Variants in FLT3 observed in about 807,000 individuals in gnomAD.
FLT3 encodes fms related receptor tyrosine kinase 3, also known as receptor-type tyrosine-protein kinase FLT3.
FLT3 carries 46 observed loss-of-function variants against 126.6 expected under a neutral mutation model. The observed-to-expected ratio is 0.36, with a 90% confidence interval of 0.29 to 0.46. The LOEUF (loss-of-function observed/expected upper bound fraction) is 0.46, where lower values mean the gene tolerates loss of function less well. FLT3 is among the 20% of genes least tolerant of loss of function. FLT3 has a pLI of 1.00. For synonymous variants in FLT3, 404 were observed against 434.4 expected, an observed-to-expected ratio of 0.93 and a Z score of 0.87; for missense variants, 1,069 against 1,190.3, an observed-to-expected ratio of 0.90 and a Z score of 1.50.
At chr13:28,051,618 T>C (rs1253422120) in intron 5 of FLT3, among the ~76,000 whole-genome samples, 12 of 142,874 alleles carry the variant, frequency 8.4e-5, no homozygotes, top group Non-Finnish European at 1.2e-4. Flanking sequence ...GATCTCGGCT[T>C]ACTGCAAGCT....
intron 4 of FLT3, among the ~76,000 whole-genome samples, chr13:28,056,623 C>G (rs1052973898): frequency 1.3e-5 from 2 of 152,236 alleles, no homozygotes; most frequent in African/African-American, 4.8e-5. Context: ...CCTCTGCCAA[C>G]TGCACAGCTG....
chr13:28,094,854 G>C (rs570184728), intron 1 of FLT3, among the ~76,000 whole-genome samples: 64 of 152,154 alleles, frequency 4.2e-4, no homozygotes, highest in Admixed American at 8.5e-4. Flanking sequence ...TCATAGAACA[G>C]AATTGCGTGA....
At chr13:28,091,083 A>C (rs1351050587) in intron 1 of FLT3, among the ~76,000 whole-genome samples, 1 of 151,690 alleles carries the variant, frequency 6.6e-6, no homozygotes, top group East Asian at 1.9e-4. Context: ...AAGACACTTC[A>C]TTTTCAAGCT....
At chr13:28,064,089 T>G (rs927002475) in intron 2 of FLT3, among the ~76,000 whole-genome samples, 6 of 151,870 alleles carry the variant, frequency 4.0e-5, no homozygotes, top group African/African-American at 9.7e-5. Context: ...CTGGAGAACA[T>G]AGCAAGACCC....
Position 28,034,096 on chromosome 13 carries a change from T to G in FLT3, c.1823A>C (p.Glu608Ala). The change falls in exon 14 of 24, where the codon GAA becomes GCA. Residue 608 changes from glutamate to alanine, a missense_variant. Transcript: ENST00000241453. ...TCCATTCTTACCAAACTCTAAATTT[T>G]CTCTTGGAAACTCCCATTTGAGATC... ...EYDLKWEFPR[E>A]NLEFGKVLGS... 1 of 1,613,592 alleles carries G rather than the reference T, an allele frequency of 6.2e-7. No individual in the cohort carries two copies. The highest frequency in any genetic ancestry group is 8.5e-7 in the Non-Finnish European group (1 of 1,179,912).
At chr13:28,064,303 G>A (rs1053648757) in intron 2 of FLT3, among the ~76,000 whole-genome samples, 5 of 152,180 alleles carry the variant, frequency 3.3e-5, no homozygotes, top group South Asian at 2.1e-4. Flanking sequence ...AGCCAGGGGC[G>A]ATGGCTCACT....
At chr13:28,022,219 T>A (rs1872456311) in intron 19 of FLT3, among the ~76,000 whole-genome samples, 1 of 151,470 alleles carries the variant, frequency 6.6e-6, no homozygotes. Flanking sequence ...AGTAATTTTT[T>A]AAAGAAAAAA....
chr13:28,086,295 T>G (rs1048174629), intron 1 of FLT3, among the ~76,000 whole-genome samples: 3 of 152,232 alleles, frequency 2.0e-5, no homozygotes, highest in Admixed American at 6.5e-5. Flanking sequence ...TAGTATTACA[T>G]GTTTACCATA....
intron 1 of FLT3, among the ~76,000 whole-genome samples, chr13:28,087,835 C>T (rs1277388725): frequency 6.6e-6 from 1 of 152,082 alleles, no homozygotes; most frequent in Non-Finnish European, 1.5e-5. Flanking sequence ...GAGTTTTCAT[C>T]CTTAGTAGTT....
intron 23 of FLT3, among the ~76,000 whole-genome samples, chr13:28,007,853 A>T (rs575507213): frequency 4.0e-4 from 61 of 152,314 alleles, no homozygotes; most frequent in African/African-American, 1.3e-3. Flanking sequence ...AATGTTAGCA[A>T]TTACATTATT....
rs944675815 is a variant in FLT3 at position 28,047,888 on chromosome 13, A to G, written c.1205+387T>C. 2.6e-5 allele frequency among the ~76,000 whole-genome samples: 4 copies of G among 152,156 alleles called. 1 individual carries two copies. Among genetic ancestry groups the G allele is most frequent in the Non-Finnish European group, 4.4e-5 (3 of 68,028 alleles). On this transcript the variant is annotated intron_variant, in intron 9 of 23. Transcript: ENST00000241453. ...AATTTAAATCAATACACCTATGAGT[A>G]ATGTTTTTCTGTTTTTAAGGAGTTT...
In FLT3 at chr13:28,038,428, C is replaced by T. The variant is rs1033234167; in HGVS notation, c.1206-1140G>A. On this transcript the variant is annotated intron_variant, in intron 9 of 23. Coordinates refer to ENST00000241453, the MANE Select transcript of FLT3 (RefSeq NM_004119.3). Reference sequence around the variant, plus strand: ...AGGCTTGTACCGAAGATATCTAACTCGACCTCCACATAGCCTACTGAAAGT... The same window carrying T: ...AGGCTTGTACCGAAGATATCTAACTTGACCTCCACATAGCCTACTGAAAGT... 2.4e-4 allele frequency among the ~76,000 whole-genome samples: 36 copies of T among 151,776 alleles called. 1 individual carries two copies. The highest frequency in any genetic ancestry group is 4.9e-4 in the Non-Finnish European group (33 of 67,964).
At chr13:28,035,899 T>G in intron 11 of FLT3, 36 bp downstream of exon 11, 1 of 1,488,214 alleles carries the variant, frequency 6.7e-7, no homozygotes, top group Non-Finnish European at 9.4e-7. Context: ...GAGTTTTATG[T>G]TCTTCCATTA....
rs556177808 is a variant in FLT3, at chr13:28,091,297, C to T, written c.43+9171G>A. 3.3e-3 allele frequency among the ~76,000 whole-genome samples: 441 copies of T among 132,768 alleles called. 4 individuals carry two copies. Among genetic ancestry groups the T allele is most frequent in the African/African-American group, 0.011 (410 of 35,778 alleles). 87.1% of individuals were successfully genotyped at this position (132,768 alleles called of 152,430 possible). A position where few individuals can be genotyped will look rare whatever the true frequency, so the allele number is the denominator to read the frequency against. On this transcript the variant is annotated intron_variant, in intron 1 of 23. Coordinates refer to ENST00000241453, the MANE Select transcript of FLT3 (RefSeq NM_004119.3). ...AGTGCAGTGGCGCGATCTCGGCTCA[C>T]TGCAAGCTCCGCCTCCCGGGTTCAC...
At chr13:28,039,291 T>C (rs2137693840) in intron 9 of FLT3, among the ~76,000 whole-genome samples, 1 of 152,170 alleles carries the variant, frequency 6.6e-6, no homozygotes, top group Non-Finnish European at 1.5e-5. Flanking sequence ...AACCTCTGCC[T>C]CCCAGGTTCA....
At position 28,003,350 on chromosome 13, in the gene FLT3, C is replaced by T. The variant is rs773296755; in HGVS notation, c.*702G>A. The stretch of plus-strand genomic sequence containing the variant: ...TGACTGGCCCTGAGTCTGGGAAGGC[C>T]GCCAAAGTGTCTAGGTGATGTATTA... On this transcript the variant is annotated 3_prime_UTR_variant, in exon 24 of 24. Transcript: ENST00000241453. 6.9e-5 allele frequency: 16 copies of T among 233,082 alleles called. No individual in the cohort carries two copies. Among genetic ancestry groups the T allele is most frequent in the Non-Finnish European group, 1.2e-4 (14 of 118,054 alleles). The allele number at this position is 233,082 out of a possible 1,614,324, so 14.4% of individuals were successfully genotyped here. A position where few individuals can be genotyped will look rare whatever the true frequency, so the allele number is the denominator to read the frequency against.
intron 15 of FLT3, among the ~76,000 whole-genome samples, chr13:28,033,642 T>A (rs1017282296): frequency 6.6e-6 from 1 of 152,064 alleles, no homozygotes; most frequent in African/African-American, 2.4e-5. Flanking sequence ...TGAGACCCTG[T>A]CTCAAAAAAA....
intron 17 of FLT3, among the ~76,000 whole-genome samples, chr13:28,026,593 CA>C: frequency 2.0e-5 from 1 of 49,724 alleles, no homozygotes; most frequent in Non-Finnish European, 7.8e-5. Flanking sequence ...GGAGGATAAA[CA>C]CAGAGCAGAG....
intron 1 of FLT3, among the ~76,000 whole-genome samples, chr13:28,087,964 C>A (rs1002860104): frequency 6.6e-6 from 1 of 152,156 alleles, no homozygotes; most frequent in Non-Finnish European, 1.5e-5. Flanking sequence ...CCCACTAATT[C>A]CACATTTGAT....
Sources: gnomAD v4.1 joint callset for allele counts (sites outside exome capture counted in the v4.1 genomes callset) on GRCh38, gnomAD v4.1.1 for gene constraint, MANE v1.5 for transcripts, NCBI Gene and HGNC (gene_info 2026-07-23, HGNC 2026-07-21) for gene names.